Variants in CCDC50 observed in about 807,000 individuals in gnomAD.
The protein encoded by CCDC50 is coiled-coil domain-containing protein 50.
A neutral mutation model predicts 70.2 loss-of-function variants in CCDC50; 54 were observed. That is an observed-to-expected ratio of 0.77 (90% confidence interval 0.62 to 0.96). The LOEUF (loss-of-function observed/expected upper bound fraction) is 0.96. Among genes scored for constraint, CCDC50 ranks in the 50% least tolerant of loss-of-function variants. CCDC50 has a pLI of 0.00. For missense variants in CCDC50, 558 were observed against 578.7 expected (o/e 0.96, Z 0.37); for synonymous variants, 216 against 198.8 (o/e 1.09, Z -0.73).
At chr3:191,357,265 A>G (rs1712323171) in intron 2 of CCDC50, 115 bp downstream of exon 2, 15 of 806,372 alleles carry the variant, frequency 1.9e-5, no homozygotes, top group South Asian at 8.6e-5. Flanking sequence ...TTCACCATCC[A>G]TACATCCTGA....
At chr3:191,373,399 A>G (rs1435062) in intron 5 of CCDC50, among the ~76,000 whole-genome samples, 13,881 of 152,216 alleles carry the variant, frequency 0.091, 699 homozygotes, top group East Asian at 0.24. Context: ...ATGAATATCT[A>G]TTAACTATTT....
chr3:191,353,907 G>A (rs1258609890), intron 1 of CCDC50, among the ~76,000 whole-genome samples: 1 of 152,014 alleles, frequency 6.6e-6, no homozygotes, highest in Non-Finnish European at 1.5e-5. Context: ...TATCTTTTGG[G>A]TACTAGTTCA....
chr3:191,352,155 A>G (rs1440359006), intron 1 of CCDC50, among the ~76,000 whole-genome samples: 1 of 142,050 alleles, frequency 7.0e-6, no homozygotes, highest in Non-Finnish European at 1.6e-5. Flanking sequence ...TACAGTGTTT[A>G]TTAACTTACA....
At chr3:191,366,293 A>C (rs544648172) in intron 4 of CCDC50, among the ~76,000 whole-genome samples, 18 of 152,150 alleles carry the variant, frequency 1.2e-4, no homozygotes, top group African/African-American at 4.1e-4. Flanking sequence ...CACTAAATCT[A>C]TGTTTTCATT....
In CCDC50 at chr3:191,389,804, T is replaced by C. The variant is rs142438856; in HGVS notation, c.1429+202T>C. 5.9e-5 allele frequency among the ~76,000 whole-genome samples: 9 copies of C among 152,082 alleles called. No homozygotes were observed. The East Asian group carries it at 1.7e-3, about 29-fold the overall frequency. On this transcript the variant is annotated intron_variant, in intron 11 of 11. Coordinates refer to ENST00000392455, the MANE Select transcript of CCDC50 (RefSeq NM_178335.3). ...CCTAAATTTTATGTAAGATATTCTG[T>C]GTATTTGCATTTTCCTCGAGAGGGA...
intron 11 of CCDC50, among the ~76,000 whole-genome samples, chr3:191,390,706 C>T (rs293838): frequency 1.3e-5 from 2 of 152,172 alleles, no homozygotes; most frequent in Non-Finnish European, 2.9e-5. Flanking sequence ...ATTTGTCACC[C>T]TCTTGGTTTT....
chr3:191,335,715 A>T (rs1156281388), intron 1 of CCDC50, among the ~76,000 whole-genome samples: 1 of 152,184 alleles, frequency 6.6e-6, no homozygotes, highest in East Asian at 1.9e-4. Context: ...TTTCTAATAA[A>T]CCAGAACCAG....
rs751738261 is a variant in CCDC50 at position 191,375,450 on chromosome 3, C to G, written c.837C>G (p.Ser279=). The G allele has an allele frequency of 6.2e-7, 1 of 1,613,606 alleles. No individual in the cohort carries two copies. Among genetic ancestry groups the G allele is most frequent in the African/African-American group, 1.3e-5 (1 of 74,858 alleles). The part of the protein sequence containing the change: ...SRHQDRLSPK[S]SQKAGLHCKE... The stretch of plus-strand genomic sequence containing the variant: ...ACCAAGATCGACTTTCACCCAAGTC[C>G]TCACAAAAAGCAGGGCTTCACTGCA... Residue 279 remains serine (S), a synonymous_variant, in exon 6 of 12, where the codon TCC becomes TCG. Transcript: ENST00000392455.
intron 5 of CCDC50, among the ~76,000 whole-genome samples, chr3:191,374,148 A>G (rs1713007136): frequency 6.6e-6 from 1 of 152,146 alleles, no homozygotes; most frequent in African/African-American, 2.4e-5. Context: ...TATAAAGTGC[A>G]TATGCATTTG....
Position 191,396,511 on chromosome 3 carries a change from G to C in CCDC50, c.*4751G>C, listed in dbSNP as rs151268684. On this transcript the variant is annotated 3_prime_UTR_variant, in exon 12 of 12. Transcript: ENST00000392455. ...TCCTTCATACCAGGTACCACTTCTT[G>C]AGTAACTGAGAGTTGACTGTCTTCT... 447 of 152,294 alleles carry C rather than the reference G, an allele frequency of 2.9e-3. 1 individual carries two copies. Among genetic ancestry groups the C allele is most frequent in the African/African-American group, 0.01 (428 of 41,558 alleles). 9.4% of individuals were successfully genotyped at this position (152,294 alleles called of 1,614,324 possible).
At chr3:191,356,166 A>C (rs1057110190) in intron 1 of CCDC50, among the ~76,000 whole-genome samples, 4 of 152,192 alleles carry the variant, frequency 2.6e-5, no homozygotes. Flanking sequence ...GAGTGAGAAC[A>C]TATCACCTAA....
intron 1 of CCDC50, among the ~76,000 whole-genome samples, chr3:191,353,870 ATCCCCTTC>A (rs139032396): frequency 3.9e-5 from 6 of 152,032 alleles, no homozygotes; most frequent in Non-Finnish European, 8.8e-5. Flanking sequence ...AATCTTCCAG[ATCCCCTTC>A]TAGCTCAGGC....
intron 2 of CCDC50, among the ~76,000 whole-genome samples, chr3:191,357,351 A>G (rs1320988997): frequency 2.0e-5 from 3 of 152,188 alleles, no homozygotes; most frequent in East Asian, 1.9e-4. Flanking sequence ...GCTGCCAGGA[A>G]TTAGTAGACT....
intron 11 of CCDC50, among the ~76,000 whole-genome samples, chr3:191,391,136 T>G (rs1167451154): frequency 6.6e-6 from 1 of 152,248 alleles, no homozygotes; most frequent in Non-Finnish European, 1.5e-5. Context: ...CATTAATTGA[T>G]GCTGTTTATT....
intron 1 of CCDC50, among the ~76,000 whole-genome samples, chr3:191,334,586 G>T (rs1355856526): frequency 3.9e-5 from 6 of 152,092 alleles, no homozygotes; most frequent in Non-Finnish European, 7.4e-5. Flanking sequence ...AAGTAGCTAG[G>T]AATTGGCACA....
chr3:191,389,614 A>G lies in CCDC50; in HGVS notation c.1429+12A>G. The G allele has an allele frequency of 6.3e-7, 1 of 1,580,042 alleles. No homozygotes were observed. Among genetic ancestry groups the G allele is most frequent in the Non-Finnish European group, 8.7e-7 (1 of 1,148,958 alleles). ...GTCCTCTCATAAAGGTAAGAAGAGT[A>G]TGTATGGTCAAGTTTAGGATCTTCT... On this transcript the variant is annotated intron_variant, in intron 11 of 11. Transcript: ENST00000392455.
At chr3:191,366,499 G>C (rs764427265) in intron 4 of CCDC50, among the ~76,000 whole-genome samples, 12 of 152,144 alleles carry the variant, frequency 7.9e-5, no homozygotes, top group South Asian at 2.1e-4. Flanking sequence ...TATTAGCCCA[G>C]AAGTCTATCT....
intron 3 of CCDC50, among the ~76,000 whole-genome samples, chr3:191,358,791 C>T (rs1712383174): frequency 6.6e-6 from 1 of 152,154 alleles, no homozygotes; most frequent in Admixed American, 6.5e-5. Flanking sequence ...CATCCTAAAT[C>T]TTTAATGTGG....
At chr3:191,374,471 GA>G (rs143762505) in intron 5 of CCDC50, among the ~76,000 whole-genome samples, 13,853 of 151,934 alleles carry the variant, frequency 0.091, 693 homozygotes, top group East Asian at 0.24. Context: ...CTTTTATATT[GA>G]ACTGTAATAG....
Sources: allele counts gnomAD v4.1 joint callset (sites outside exome capture counted in the v4.1 genomes callset), GRCh38; gene constraint gnomAD v4.1.1; transcripts MANE v1.5; gene names NCBI Gene and HGNC (gene_info 2026-07-23, HGNC 2026-07-21).